Variants in SIM2 observed in about 807,000 individuals in gnomAD.
The protein encoded by SIM2 is SIM bHLH transcription factor 2.
A neutral mutation model predicts 64.8 loss-of-function variants in SIM2; 28 were observed. The ratio of observed to expected loss-of-function variants is 0.43; its 90% confidence interval spans 0.32 to 0.59. SIM2 has a LOEUF of 0.59. SIM2 is among the 20% of genes least tolerant of loss of function. The pLI, the probability that SIM2 is intolerant of heterozygous loss-of-function variation, is 0.07. For missense variants in SIM2, 847 were observed against 871.4 expected (o/e 0.97, Z 0.35); for synonymous variants, 408 against 391.1 (o/e 1.04, Z -0.51).
In SIM2 at chr21:36,739,759, C is replaced by T. The variant is rs545444068; in HGVS notation, c.851-1958C>T. 5.9e-5 allele frequency among the ~76,000 whole-genome samples: 9 copies of T among 152,102 alleles called. No homozygotes were observed. In the East Asian group the frequency reaches 1.7e-3, roughly 29 times the overall value. On this transcript the variant is annotated intron_variant, in intron 7 of 10. Coordinates refer to ENST00000290399, the MANE Select transcript of SIM2 (RefSeq NM_005069.6). ...ACTGGGCCAGGCGCCGTGGCTCACA[C>T]CTGCAATGGCTGCATAGTTTGCCAT... is the stretch of plus-strand genomic sequence containing the variant.
At position 36,747,871 on chromosome 21, in the gene SIM2, C is replaced by A. The variant is rs1403471995; in HGVS notation, c.1783C>A (p.Leu595Met). ...TPEAPGAPAQ[L>M]PFVLLNYHRV... is the part of the protein sequence containing the mutation. ...CGAGGCCCCGGGCGCGCCGGCGCAG[C>A]TGCCCTTCGTGCTGCTCAACTACCA... The change falls in exon 11 of 11, where the codon CTG becomes ATG. Residue 595 changes from leucine (L) to methionine (M), a missense_variant. Around this residue, in one of 3 missense-constraint regions of SIM2, gnomAD observed 447 missense variants for 414.6 expected, o/e 1.08. Transcript: ENST00000290399. This position sits in a 1 kb window ranked among gnomAD's most constrained non-coding sequence, Gnocchi z 4.5. 9.5e-7 allele frequency: 1 copy of A among 1,052,902 alleles called. No homozygotes were observed. The highest frequency in any genetic ancestry group is 1.2e-6 in the Non-Finnish European group (1 of 869,262). The allele number at this position is 1,052,902 out of a possible 1,614,324, so 65.2% of individuals were successfully genotyped here.
intron 3 of SIM2, among the ~76,000 whole-genome samples, chr21:36,718,082 G>A (rs186664111): frequency 6.6e-6 from 1 of 152,208 alleles, no homozygotes; most frequent in East Asian, 1.9e-4. Context: ...GCATAATATT[G>A]GAAGGAAACA....
At position 36,726,326 on chromosome 21, in the gene SIM2, C is replaced by T. The variant is rs758300847; in HGVS notation, c.743+8C>T. ...GATATTCCTGGATTCCAGGTGAGTT[C>T]GGCACCTGCCACAGTGGCTGTGGCC... is the stretch of plus-strand genomic sequence containing the variant. On this transcript the variant is annotated splice_region_variant and intron_variant, in intron 6 of 10. Coordinates refer to ENST00000290399, the MANE Select transcript of SIM2 (RefSeq NM_005069.6). The surrounding 1 kb of genome is among the most constrained non-coding windows in gnomAD (Gnocchi z 4.5). 12 of 1,605,250 alleles carry T rather than the reference C, an allele frequency of 7.5e-6. No homozygotes were observed. The Admixed American group carries it at 8.4e-5, about 11-fold the overall frequency.
At chr21:36,732,028 G>T (rs2088976329) in intron 7 of SIM2, among the ~76,000 whole-genome samples, 2 of 152,126 alleles carry the variant, frequency 1.3e-5, no homozygotes, top group Non-Finnish European at 2.9e-5. Context: ...GATTATAGGT[G>T]CATGCCACCA....
chr21:36,744,311 CAAAAAAA>C (rs60354140), intron 9 of SIM2, among the ~76,000 whole-genome samples: 13 of 41,782 alleles, frequency 3.1e-4, no homozygotes, highest in South Asian at 1.1e-3. Context: ...CACATTATGA[CAAAAAAA>C]AAAAAAAAAA....
chr21:36,723,871 A>G (rs1180193454), intron 5 of SIM2, among the ~76,000 whole-genome samples: 1 of 152,054 alleles, frequency 6.6e-6, no homozygotes, highest in African/African-American at 2.4e-5. Flanking sequence ...GGGTCGGGGG[A>G]AGTCTGTGCT....
Position 36,699,588 on chromosome 21 carries a change from T to C in SIM2, c.-159T>C. On this transcript the variant is annotated 5_prime_UTR_variant, in exon 1 of 11. Coordinates refer to ENST00000290399, the MANE Select transcript of SIM2 (RefSeq NM_005069.6). The surrounding 1 kb of genome is among the most constrained non-coding windows in gnomAD (Gnocchi z 5.6). ...CAGGCCCGGCGGCTGCGGGGAGGCGTCTCGGAACCCCGGGAGGCCCCCCGC... is the reference window on the plus strand; with the variant it reads ...CAGGCCCGGCGGCTGCGGGGAGGCGCCTCGGAACCCCGGGAGGCCCCCCGC... 2 of 656,122 alleles carry C rather than the reference T, an allele frequency of 3.0e-6. No homozygotes were observed. Among genetic ancestry groups the C allele is most frequent in the Non-Finnish European group, 4.7e-6 (2 of 425,882 alleles). 40.6% of individuals were successfully genotyped at this position (656,122 alleles called of 1,614,324 possible).
At chr21:36,720,027 G>A (rs2088803680) in intron 4 of SIM2, 98 bp downstream of exon 4, 1 of 866,292 alleles carries the variant, frequency 1.2e-6, no homozygotes. Context: ...CCAAGTGGCT[G>A]GGCATGACTA....
intron 1 of SIM2, among the ~76,000 whole-genome samples, chr21:36,708,903 G>A (rs2088629812): frequency 6.6e-6 from 1 of 152,248 alleles, no homozygotes; most frequent in Non-Finnish European, 1.5e-5. Flanking sequence ...CGACCCGCGG[G>A]AGCTGTGGGC....
chr21:36,704,632 G>A lies in SIM2; in HGVS notation c.176-4536G>A, dbSNP rs191219477. Among the ~76,000 whole-genome samples, 120 of 152,350 alleles carry A rather than the reference G, an allele frequency of 7.9e-4. 1 individual carries two copies. The highest frequency in any genetic ancestry group is 2.7e-3 in the African/African-American group (113 of 41,588). On this transcript the variant is annotated intron_variant, in intron 1 of 10. Transcript: ENST00000290399. ...GGGGCGGAAAGGGAGCCTCCGGGCG[G>A]CTGTGGGTGCCGCGCTCCTCGGAGC...
rs140977260 is a variant in SIM2 at position 36,743,526 on chromosome 21, A to G, written c.1138A>G (p.Lys380Glu). 1 of 1,614,066 alleles carries G rather than the reference A, an allele frequency of 6.2e-7. No homozygotes were observed. The highest frequency in any genetic ancestry group is 1.3e-5 in the African/African-American group (1 of 75,072). ...VKPKNTKMKT[K>E]LRTNPYPPQQ... ...ACCCAAAAATACCAAGATGAAGACA[A>G]AGCTGAGAACAAACCCTTACCCCCC... Residue 380 changes from lysine (K) to glutamate (E), a missense_variant, in exon 9 of 11, where the codon AAG (lysine) becomes GAG (glutamate). Lys to Glu is a moderately conservative substitution (Grantham distance 56). This residue lies in a region of SIM2 where 447 missense variants were observed against 414.6 expected (regional missense o/e 1.08). Transcript: ENST00000290399.
intron 7 of SIM2, among the ~76,000 whole-genome samples, chr21:36,740,252 C>T (rs1266416403): frequency 6.6e-6 from 1 of 152,088 alleles, no homozygotes; most frequent in South Asian, 2.1e-4. Flanking sequence ...CAGTCCCCCT[C>T]GTGCTTCAGC....
rs543595083 is a variant in SIM2 at position 36,720,079 on chromosome 21, C to A, written c.457+150C>A. The A allele has an allele frequency of 2.0e-5, 12 of 613,094 alleles. No homozygotes were observed. In the South Asian group the frequency reaches 2.1e-4, roughly 11 times the overall value. The allele number at this position is 613,094 out of a possible 1,614,324, so 38.0% of individuals were successfully genotyped here. On this transcript the variant is annotated intron_variant, in intron 4 of 10. Coordinates refer to ENST00000290399, the MANE Select transcript of SIM2 (RefSeq NM_005069.6). ...GTCTCTCCAATACACACACAGCACC[C>A]ACCACGTGGGGATTTGCATTGATAC...
rs971063123 is a variant in SIM2 at position 36,701,929 on chromosome 21, C to G, written c.175+2008C>G. Among the ~76,000 whole-genome samples the G allele has an allele frequency of 6.6e-5, 10 of 152,292 alleles. 1 individual carries two copies. Among genetic ancestry groups the G allele is most frequent in the Admixed American group, 4.6e-4 (7 of 15,296 alleles). On this transcript the variant is annotated intron_variant, in intron 1 of 10. Coordinates refer to ENST00000290399, the MANE Select transcript of SIM2 (RefSeq NM_005069.6). ...CTGCCCCCTTTGGAAATAGAAAAAGCCTTCGAAGCAGCAATCCAAAGATCA... is the reference window on the plus strand; with the variant it reads ...CTGCCCCCTTTGGAAATAGAAAAAGGCTTCGAAGCAGCAATCCAAAGATCA...
intron 8 of SIM2, among the ~76,000 whole-genome samples, chr21:36,742,141 A>G (rs2070520): frequency 0.26 from 39,859 of 151,642 alleles, 5,652 homozygotes; most frequent in African/African-American, 0.36. Flanking sequence ...CCATCACAGA[A>G]CCTAGTGAGG....
At chr21:36,720,038 G>T in intron 4 of SIM2, 109 bp downstream of exon 4, 1 of 756,266 alleles carries the variant, frequency 1.3e-6, no homozygotes, top group South Asian at 1.5e-5. Context: ...GGCATGACTA[G>T]GACTGCCCAG....
chr21:36,711,754 C>A (rs1299441579), intron 2 of SIM2, among the ~76,000 whole-genome samples: 7 of 152,130 alleles, frequency 4.6e-5, no homozygotes, highest in Non-Finnish European at 4.4e-5. Flanking sequence ...AATACAGTTT[C>A]CTTTTTCAAA....
At chr21:36,742,903 A>T (rs2089181156) in intron 8 of SIM2, among the ~76,000 whole-genome samples, 1 of 151,946 alleles carries the variant, frequency 6.6e-6, no homozygotes, top group Non-Finnish European at 1.5e-5. Flanking sequence ...GACCCTGCTG[A>T]GTTGGTTCTT....
intron 3 of SIM2, among the ~76,000 whole-genome samples, chr21:36,719,164 C>G (rs1027964143): frequency 6.6e-6 from 1 of 152,242 alleles, no homozygotes; most frequent in Admixed American, 6.5e-5. Context: ...CAGCCACACC[C>G]CTGGGCGGGA....
Sources: gnomAD v4.1 joint callset for allele counts (sites outside exome capture counted in the v4.1 genomes callset) on GRCh38, gnomAD v4.1.1 for gene constraint, gnomAD v4.1.1 regional missense constraint, Gnocchi (gnomAD v3.1) non-coding constraint, MANE v1.5 for transcripts, NCBI Gene and HGNC (gene_info 2026-07-23, HGNC 2026-07-21) for gene names.